SMC3: variants seen among roughly 807,000 people sequenced by gnomAD.
SMC3 encodes structural maintenance of chromosomes protein 3.
Under a neutral mutation model 171.8 loss-of-function variants are expected in SMC3, and 20 were observed. That is an observed-to-expected ratio of 0.12 (90% CI 0.08 to 0.17). SMC3 has a LOEUF of 0.17. Among genes scored for constraint, SMC3 ranks in the 10% least tolerant of loss-of-function variants. The pLI, the probability that SMC3 is intolerant of heterozygous loss-of-function variation, is 1.00. For synonymous variants in SMC3, 464 were observed against 451.1 expected (o/e 1.03, Z -0.36); for missense variants, 543 against 1,420.4 (o/e 0.38, Z 9.93).
In SMC3 at chr10:110,584,300, T is replaced by G; in HGVS notation, c.1209T>G (p.Asp403Glu). The G allele has an allele frequency of 6.2e-7, 1 of 1,613,942 alleles. No individual in the cohort carries two copies. Among genetic ancestry groups the G allele is most frequent in the Non-Finnish European group, 8.5e-7 (1 of 1,179,818 alleles). ...TTAAAAAGGAACTCAAGTCTTTAGA[T>G]CAGGCTATTAATGACAAGAAAAGAC... ...KWIKKELKSLDQAINDKKRQI... is the reference protein window; with the variant it reads ...KWIKKELKSLEQAINDKKRQI... Residue 403 changes from aspartate to glutamate, a missense_variant, in exon 13 of 29, where the codon GAT becomes GAG. Asp to Glu is a conservative substitution (Grantham distance 45). Transcript: ENST00000361804.
intron 2 of SMC3, among the ~76,000 whole-genome samples, chr10:110,570,131 C>T (rs567456114): frequency 8.5e-5 from 13 of 152,252 alleles, no homozygotes; most frequent in African/African-American, 2.9e-4. Context: ...GGCTTATGGA[C>T]AGCTGCTGTC....
At chr10:110,593,692 C>T (rs569296631) in intron 18 of SMC3, among the ~76,000 whole-genome samples, 4 of 151,738 alleles carry the variant, frequency 2.6e-5, no homozygotes, top group Admixed American at 2.6e-4. Flanking sequence ...AAAATTCATC[C>T]TTTGCCTTTG....
chr10:110,590,616 TAAG>T (rs1384016774), intron 16 of SMC3, 44 bp downstream of exon 16: 8 of 1,530,292 alleles, frequency 5.2e-6, no homozygotes, highest in African/African-American at 1.4e-5. Context: ...GAAGAGGGAA[TAAG>T]AATAGCTTAA....
intron 6 of SMC3, among the ~76,000 whole-genome samples, chr10:110,578,352 T>C (rs1472468958): frequency 3.3e-5 from 5 of 152,250 alleles, no homozygotes; most frequent in Non-Finnish European, 2.9e-5. Context: ...ATTAGAGGCA[T>C]GAGCCACTGC....
intron 7 of SMC3, among the ~76,000 whole-genome samples, chr10:110,579,244 A>G (rs868169772): frequency 2.0e-4 from 31 of 152,264 alleles, no homozygotes; most frequent in Middle Eastern, 6.8e-3. Flanking sequence ...CTCAAAGAAT[A>G]TTCACTTATT....
intron 2 of SMC3, among the ~76,000 whole-genome samples, chr10:110,573,498 GAAAA>G (rs1176418587): frequency 6.6e-6 from 1 of 151,988 alleles, no homozygotes; most frequent in African/African-American, 2.4e-5. Flanking sequence ...TATCTTTAAA[GAAAA>G]AACTATTAGA....
At chr10:110,572,379 T>C (rs1207212833) in intron 2 of SMC3, among the ~76,000 whole-genome samples, 1 of 152,228 alleles carries the variant, frequency 6.6e-6, no homozygotes, top group East Asian at 1.9e-4. Context: ...CCCCCTCCAG[T>C]ACAGGATCTA....
intron 26 of SMC3, 32 bp from the exon 27 acceptor site, chr10:110,602,793 A>G: frequency 6.2e-7 from 1 of 1,604,650 alleles, no homozygotes; most frequent in Non-Finnish European, 8.5e-7. Flanking sequence ...TCTGCCCTTT[A>G]GGATATTAAC....
At chr10:110,575,943 G>A (rs1381571868) in intron 4 of SMC3, among the ~76,000 whole-genome samples, 1 of 152,146 alleles carries the variant, frequency 6.6e-6, no homozygotes, top group Non-Finnish European at 1.5e-5. Context: ...AACAACCATT[G>A]CAAACTAAAC....
At chr10:110,599,107 T>G (rs975620029) in intron 20 of SMC3, among the ~76,000 whole-genome samples, 14 of 152,192 alleles carry the variant, frequency 9.2e-5, no homozygotes, top group African/African-American at 3.4e-4. Flanking sequence ...AACTTTTTAT[T>G]TTTTGAGGGG....
In SMC3 at chr10:110,568,452, C is replaced by G. The variant is rs866714060; in HGVS notation, c.16-486C>G. 10 of 175,490 alleles carry G rather than the reference C, an allele frequency of 5.7e-5. No homozygotes were observed. The South Asian group carries it at 1.3e-3, about 22-fold the overall frequency. 10.9% of individuals were successfully genotyped at this position (175,490 alleles called of 1,614,324 possible). A position where few individuals can be genotyped will look rare whatever the true frequency, so the allele number is the denominator to read the frequency against. On this transcript the variant is annotated intron_variant, in intron 1 of 28. Coordinates refer to ENST00000361804, the MANE Select transcript of SMC3 (RefSeq NM_005445.4). ...CGCGGGACTCCACCACAAAGATGAG[C>G]CCAGGCACACGGCCTTGGAGACGGT...
At chr10:110,569,382 C>G (rs189342944) in intron 2 of SMC3, among the ~76,000 whole-genome samples, 1 of 152,092 alleles carries the variant, frequency 6.6e-6, no homozygotes, top group African/African-American at 2.4e-5. Flanking sequence ...GATTCCCCCC[C>G]CACCCCGGCA....
chr10:110,584,116 AT>A, intron 12 of SMC3, 66 bp from the exon 13 acceptor site: 4 of 1,462,610 alleles, frequency 2.7e-6, no homozygotes, highest in Non-Finnish European at 3.8e-6. Flanking sequence ...TGCAGTTGAC[AT>A]TATTGGTTGC....
intron 28 of SMC3, among the ~76,000 whole-genome samples, chr10:110,603,853 T>C (rs577257637): frequency 6.6e-6 from 1 of 152,224 alleles, no homozygotes; most frequent in African/African-American, 2.4e-5. Context: ...CCCAGCACTT[T>C]GGGAGGCCAA....
chr10:110,572,312 A>G (rs943768549), intron 2 of SMC3, among the ~76,000 whole-genome samples: 1 of 152,216 alleles, frequency 6.6e-6, no homozygotes, highest in Non-Finnish European at 1.5e-5. Context: ...ATACATAGTA[A>G]TCTGTCCATT....
In SMC3 at chr10:110,600,557, GTTT is replaced by G. The variant is rs397847637; in HGVS notation, c.2535+26_2535+28del. 543 of 975,500 alleles carry G rather than the reference GTTT, an allele frequency of 5.6e-4. No individual in the cohort carries two copies. Among genetic ancestry groups the G allele is most frequent in the Middle Eastern group, 8.8e-4 (4 of 4,568 alleles). 60.4% of individuals were successfully genotyped at this position (975,500 alleles called of 1,614,324 possible). ...GACCAAGTAGAACAGGTGTGTATGTGTTTTTTTTTTTTTTTTTAAGGGCTCCTT... is the reference window on the plus strand; with the variant it reads ...GACCAAGTAGAACAGGTGTGTATGTGTTTTTTTTTTTTTTAAGGGCTCCTT... On this transcript the variant is annotated intron_variant, in intron 22 of 28. Transcript: ENST00000361804.
intron 22 of SMC3, 28 bp downstream of exon 22, chr10:110,600,574 T>TA (rs747062566): frequency 1.9e-6 from 2 of 1,057,024 alleles, no homozygotes; most frequent in South Asian, 2.5e-5. Context: ...TTTTTTTTTT[T>TA]AAGGGCTCCT....
At chr10:110,577,125 A>AT (rs1273376421) in intron 4 of SMC3, among the ~76,000 whole-genome samples, 1 of 152,070 alleles carries the variant, frequency 6.6e-6, no homozygotes, top group African/African-American at 2.4e-5. Flanking sequence ...CATAGCTCTT[A>AT]TTTTTTATTT....
At chr10:110,583,301 T>A in intron 10 of SMC3, 83 bp from the exon 11 acceptor site, 1 of 1,103,512 alleles carries the variant, frequency 9.1e-7, no homozygotes, top group African/African-American at 1.6e-5. Context: ...TTACTAAACA[T>A]TAAGTGAAAG....
Sources: allele counts gnomAD v4.1 joint callset (sites outside exome capture counted in the v4.1 genomes callset), GRCh38; gene constraint gnomAD v4.1.1; transcripts MANE v1.5; gene names NCBI Gene and HGNC (gene_info 2026-07-23, HGNC 2026-07-21).